Variants in IGF2R observed in about 807,000 individuals in gnomAD.
IGF2R encodes cation-independent mannose-6-phosphate receptor.
In IGF2R, 91 loss-of-function variants were observed where a neutral mutation model predicts 270.6. The observed-to-expected ratio is 0.34, with a 90% CI of 0.28 to 0.40. The LOEUF (loss-of-function observed/expected upper bound fraction) is 0.40. Ranked by LOEUF, IGF2R falls within the 10% of genes least tolerant of loss-of-function variation. The pLI, the probability that IGF2R is intolerant of heterozygous loss-of-function variation, is 1.00. For synonymous variants in IGF2R, 1,316 were observed against 1,258.9 expected (o/e 1.05, Z -0.96); for missense variants, 2,805 against 3,188.3 (o/e 0.88, Z 2.90).
At chr6:160,046,776 C>A in intron 15 of IGF2R, 131 bp downstream of exon 15, 1 of 983,936 alleles carries the variant, frequency 1.0e-6, no homozygotes, top group Non-Finnish European at 1.5e-6. Flanking sequence ...GAGACCTGGT[C>A]TGAAAACTGA....
chr6:159,986,402 TTGTGTGTGTGTGTGTG>T (rs56105769), intron 1 of IGF2R, among the ~76,000 whole-genome samples: 1 of 131,926 alleles, frequency 7.6e-6, no homozygotes, highest in Non-Finnish European at 1.6e-5. Context: ...TGGCTAATTT[TTGTGTGTGTGTGTGTG>T]TGTGTGTGTG....
chr6:160,100,205 A>G (rs1429579334), intron 45 of IGF2R, among the ~76,000 whole-genome samples: 1 of 152,206 alleles, frequency 6.6e-6, no homozygotes, highest in African/African-American at 2.4e-5. Flanking sequence ...CTAAAAAACA[A>G]GTTGTCAAAC....
At chr6:160,068,063 GGGGT>G (rs60087049) in intron 29 of IGF2R, among the ~76,000 whole-genome samples, 182 bp from the exon 30 acceptor site, 10,374 of 94,988 alleles carry the variant, frequency 0.11, 473 homozygotes, top group African/African-American at 0.2. Context: ...ATTCTGATGG[GGGGT>G]GTGTGTGTGT....
rs1295138001 is a variant in IGF2R, at chr6:160,033,018, T to C, written c.1122T>C (p.Cys374=). Residue 374 remains cysteine (C), a synonymous_variant, in exon 9 of 48, where the codon TGT becomes TGC. Transcript: ENST00000356956. Reference sequence around the variant, plus strand: ...GTGGAGAAACTGAAATACAGTTCTGTAATAAAAAACAAGCTGCAGTTTGCC... The same window carrying C: ...GTGGAGAAACTGAAATACAGTTCTGCAATAAAAAACAAGCTGCAGTTTGCC... ...NVCGETEIQF[C]NKKQAAVCQV... 6.2e-7 allele frequency: 1 copy of C among 1,609,280 alleles called. No individual in the cohort carries two copies. The highest frequency in any genetic ancestry group is 1.7e-5 in the Admixed American group (1 of 60,024).
At chr6:159,969,439 G>C in intron 1 of IGF2R, 44 bp downstream of exon 1, 1 of 1,183,542 alleles carries the variant, frequency 8.4e-7, no homozygotes, top group Non-Finnish European at 1.0e-6. Context: ...CGGTGCCCGG[G>C]GTGAGCGGCC....
intron 1 of IGF2R, among the ~76,000 whole-genome samples, chr6:159,984,492 G>A (rs549347170): frequency 6.6e-6 from 1 of 152,326 alleles, no homozygotes; most frequent in South Asian, 2.1e-4. Flanking sequence ...CCCTAGGCAA[G>A]TGTGCCATTT....
chr6:160,100,847 G>C (rs1271507609), intron 45 of IGF2R, among the ~76,000 whole-genome samples: 1 of 109,634 alleles, frequency 9.1e-6, no homozygotes, highest in African/African-American at 3.2e-5. Flanking sequence ...CTGGAGTGCA[G>C]TGGTGCGATC....
chr6:160,104,544 G>A (rs538659881), intron 47 of IGF2R, 130 bp from the exon 48 acceptor site: 1 of 885,778 alleles, frequency 1.1e-6, no homozygotes, highest in South Asian at 1.7e-5. Context: ...GAGATGCAGT[G>A]ACTGTGAGGA....
In IGF2R at chr6:160,060,570, C is replaced by A; in HGVS notation, c.3115C>A (p.Arg1039Ser). ...AGGTACCGCTGATGCTTTTATCGTC[C>A]GCTTTGTTTGCAATGATGATGTTTA... ...AKGTADAFIV[R>S]FVCNDDVYSG... Residue 1039 changes from arginine to serine, a missense_variant, in exon 23 of 48, where the codon CGC (arginine) becomes AGC (serine). Transcript: ENST00000356956. 2 of 1,614,206 alleles carry A rather than the reference C, an allele frequency of 1.2e-6. No individual in the cohort carries two copies. The highest frequency in any genetic ancestry group is 1.7e-6 in the Non-Finnish European group (2 of 1,180,032).
Position 159,969,318 on chromosome 6 carries a change from C to A in IGF2R, c.72C>A (p.Leu24=), listed in dbSNP as rs959493375. 3.9e-6 allele frequency: 5 copies of A among 1,296,972 alleles called. No homozygotes were observed. In the African/African-American group the frequency reaches 7.7e-5, roughly 20 times the overall value. 80.3% of individuals were successfully genotyped at this position (1,296,972 alleles called of 1,614,324 possible). The part of the protein sequence containing the change: ...APARRPQRSL[L]LLQLLLLVAA... ...CCCGCCGCCCGCAGCGCTCTCTGCT[C>A]CTGCTGCAGCTGCTGCTGCTCGTCG... The change falls in exon 1 of 48, where the codon CTC becomes CTA. Residue 24 remains leucine (L), a synonymous_variant. Transcript: ENST00000356956.
At chr6:159,992,117 A>G (rs1783988090) in intron 2 of IGF2R, among the ~76,000 whole-genome samples, 1 of 152,188 alleles carries the variant, frequency 6.6e-6, no homozygotes, top group African/African-American at 2.4e-5. Flanking sequence ...TGACATAGAG[A>G]TGGTATATGA....
intron 1 of IGF2R, among the ~76,000 whole-genome samples, chr6:159,981,463 C>G (rs1342331568): frequency 6.6e-6 from 1 of 152,208 alleles, no homozygotes; most frequent in African/African-American, 2.4e-5. Flanking sequence ...TCATGTGACA[C>G]TCCTTTCAGA....
At chr6:160,023,404 C>CA (rs896397743) in intron 4 of IGF2R, among the ~76,000 whole-genome samples, 2 of 152,020 alleles carry the variant, frequency 1.3e-5, no homozygotes, top group Non-Finnish European at 2.9e-5. Context: ...GGGGAGAAAT[C>CA]AAAGGCTCAT....
chr6:160,027,591 A>G (rs753690152), intron 6 of IGF2R, among the ~76,000 whole-genome samples: 5 of 152,190 alleles, frequency 3.3e-5, no homozygotes, highest in East Asian at 1.9e-4. Context: ...AATAATGCCT[A>G]TCTTAAGGTG....
At position 160,050,533 on chromosome 6, in the gene IGF2R, G is replaced by A. The variant is rs1778171423; in HGVS notation, c.2575G>A (p.Val859Ile). The A allele has an allele frequency of 6.2e-7, 1 of 1,614,162 alleles. No individual in the cohort carries two copies. ...NLGMAKTGPV[V>I]EDSGSLLLEY... The stretch of plus-strand genomic sequence containing the variant: ...GGGAATGGCAAAGACCGGCCCGGTG[G>A]TTGAGGACAGCGGCAGCCTCCTTCT... Residue 859 changes from valine (V) to isoleucine (I), a missense_variant, in exon 19 of 48, where the codon GTT becomes ATT. Transcript: ENST00000356956. This position sits in a 1 kb window ranked among gnomAD's most constrained non-coding sequence, Gnocchi z 4.0.
At chr6:160,028,671 GAAGAGAAC>G (rs1777618124) in intron 6 of IGF2R, among the ~76,000 whole-genome samples, 2 of 152,186 alleles carry the variant, frequency 1.3e-5, no homozygotes, top group African/African-American at 4.8e-5. Context: ...TTGGGTGGTG[GAAGAGAAC>G]CCCAGTTCAG....
In IGF2R at chr6:160,085,015, A is replaced by G; in HGVS notation, c.6089A>G (p.Gln2030Arg). ...TCTAGGTACTATATAAATCTGTGCC[A>G]GAAAATATATAAAGGGCCCCTGGGC... ...NGVSYYINLC[Q>R]KIYKGPLGCS... The change falls in exon 41 of 48, where the codon CAG becomes CGG. Residue 2030 changes from glutamine to arginine, a missense_variant. Coordinates refer to ENST00000356956, the MANE Select transcript of IGF2R (RefSeq NM_000876.4). The G allele has an allele frequency of 6.2e-7, 1 of 1,614,114 alleles. No individual in the cohort carries two copies. The highest frequency in any genetic ancestry group is 8.5e-7 in the Non-Finnish European group (1 of 1,179,990).
At chr6:159,984,334 C>T (rs1783848034) in intron 1 of IGF2R, among the ~76,000 whole-genome samples, 1 of 152,168 alleles carries the variant, frequency 6.6e-6, no homozygotes, top group Non-Finnish European at 1.5e-5. Context: ...GCATTAGTCA[C>T]ATGTTTGTGG....
intron 26 of IGF2R, 52 bp downstream of exon 26, chr6:160,062,671 C>T (rs764141039): frequency 9.2e-6 from 12 of 1,299,408 alleles, no homozygotes; most frequent in South Asian, 7.3e-5. Flanking sequence ...GAGTAGCAGA[C>T]GTTCTGAACG....
Sources: allele counts gnomAD v4.1 joint callset (sites outside exome capture counted in the v4.1 genomes callset), GRCh38; gene constraint gnomAD v4.1.1; non-coding constraint Gnocchi (gnomAD v3.1); transcripts MANE v1.5; gene names NCBI Gene and HGNC (gene_info 2026-07-23, HGNC 2026-07-21).